Variants in CAMK4 observed in about 807,000 individuals in gnomAD.
CAMK4 encodes calcium/calmodulin-dependent protein kinase type IV.
A neutral mutation model predicts 44.9 loss-of-function variants in CAMK4; 22 were observed. The ratio of observed to expected loss-of-function variants is 0.49; its 90% CI spans 0.35 to 0.70. The LOEUF (loss-of-function observed/expected upper bound fraction) is 0.70, where lower values mean the gene tolerates loss of function less well. Ranked by LOEUF, CAMK4 falls within the 30% of genes least tolerant of loss-of-function variation. CAMK4 has a pLI of 0.01. For missense variants in CAMK4, 498 were observed against 586.8 expected (o/e 0.85, Z 1.56); for synonymous variants, 218 against 215.4 (o/e 1.01, Z -0.11).
intron 1 of CAMK4, among the ~76,000 whole-genome samples, chr5:111,263,708 C>G (rs896034257): frequency 6.6e-6 from 1 of 152,198 alleles, no homozygotes; most frequent in African/African-American, 2.4e-5. Flanking sequence ...CCATAGCTTT[C>G]CAGTATGCTC....
In CAMK4 at chr5:111,473,364, G is replaced by A. The variant is rs747837965; in HGVS notation, c.679G>A (p.Val227Ile). ...AYGPEVDMWSVGIITYILLCG... is the reference protein window; with the variant it reads ...AYGPEVDMWSIGIITYILLCG... ...TGGACCTGAGGTGGACATGTGGTCTGTAGGAATAATCACCTACATCTTGTA... is the reference window on the plus strand; with the variant it reads ...TGGACCTGAGGTGGACATGTGGTCTATAGGAATAATCACCTACATCTTGTA... The change falls in exon 8 of 11, where the codon GTA (valine) becomes ATA (isoleucine). Residue 227 changes from valine (V) to isoleucine (I), a missense_variant. Physicochemically the swap from Val to Ile is conservative, Grantham distance 29 (BLOSUM62 3). This residue lies in a region of CAMK4 where 203 missense variants were observed against 298.2 expected (regional missense o/e 0.68). Transcript: ENST00000282356. The A allele has an allele frequency of 7.5e-6, 12 of 1,610,292 alleles. No homozygotes were observed. The highest frequency in any genetic ancestry group is 8.5e-6 in the Non-Finnish European group (10 of 1,176,834).
intron 4 of CAMK4, among the ~76,000 whole-genome samples, chr5:111,384,180 A>C (rs1751515105): frequency 6.6e-6 from 1 of 152,188 alleles, no homozygotes; most frequent in Non-Finnish European, 1.5e-5. Context: ...CAAGGGCAAG[A>C]AAAAGGGCTT....
chr5:111,280,222 A>G (rs1750952701), intron 1 of CAMK4, among the ~76,000 whole-genome samples: 1 of 151,650 alleles, frequency 6.6e-6, no homozygotes, highest in South Asian at 2.1e-4. Flanking sequence ...CTTTTAAATG[A>G]ATCTTCTAAT....
rs1040070845 is a variant in CAMK4 at position 111,485,916 on chromosome 5, T to C, written c.*1450T>C. On this transcript the variant is annotated 3_prime_UTR_variant, in exon 11 of 11. Transcript: ENST00000282356. Reference sequence around the variant, plus strand: ...AATGAATATTTTATCAGATTAATTATGTGTCACATTTTTGGTGGGTTTTCT... The same window carrying C: ...AATGAATATTTTATCAGATTAATTACGTGTCACATTTTTGGTGGGTTTTCT... 1 of 152,204 alleles carries C rather than the reference T, an allele frequency of 6.6e-6. No homozygotes were observed. Among genetic ancestry groups the C allele is most frequent in the African/African-American group, 2.4e-5 (1 of 41,466 alleles). The allele number at this position is 152,204 out of a possible 1,614,324, so 9.4% of individuals were successfully genotyped here.
intron 1 of CAMK4, among the ~76,000 whole-genome samples, chr5:111,285,001 A>G (rs924844302): frequency 1.3e-5 from 2 of 152,256 alleles, no homozygotes; most frequent in African/African-American, 4.8e-5. Context: ...CATCCTGGAA[A>G]TACTGGATGA....
chr5:111,467,549 T>G (rs189869414), intron 7 of CAMK4, among the ~76,000 whole-genome samples: 1 of 152,018 alleles, frequency 6.6e-6, no homozygotes, highest in East Asian at 1.9e-4. Context: ...AGGACATGAA[T>G]GGACAATTCT....
chr5:111,464,095 T>A (rs1580787964), intron 7 of CAMK4, among the ~76,000 whole-genome samples: 1 of 150,610 alleles, frequency 6.6e-6, no homozygotes, highest in African/African-American at 2.5e-5. Flanking sequence ...ATAAAAAAAA[T>A]GAGATATGAA....
At chr5:111,309,314 G>T (rs536058752) in intron 1 of CAMK4, among the ~76,000 whole-genome samples, 27 of 152,314 alleles carry the variant, frequency 1.8e-4, no homozygotes, top group Non-Finnish European at 3.8e-4. Flanking sequence ...TGGGTCTTAG[G>T]TGGGCAGGAC....
chr5:111,396,921 G>T (rs554109171), intron 5 of CAMK4, among the ~76,000 whole-genome samples: 3 of 152,044 alleles, frequency 2.0e-5, no homozygotes, highest in Admixed American at 2.0e-4. Flanking sequence ...AATTACAGGC[G>T]TGAGCCACCG....
In CAMK4 at chr5:111,446,557, T is replaced by C. The variant is rs982134337; in HGVS notation, c.460-129T>C. On this transcript the variant is annotated intron_variant, in intron 5 of 10. Coordinates refer to ENST00000282356, the MANE Select transcript of CAMK4 (RefSeq NM_001744.6). Reference sequence around the variant, plus strand: ...GTTTAAAACAGATTTTCCTTTATGGTACTTATTGTTAAGTCATACTATGTG... The same window carrying C: ...GTTTAAAACAGATTTTCCTTTATGGCACTTATTGTTAAGTCATACTATGTG... 3 of 577,424 alleles carry C rather than the reference T, an allele frequency of 5.2e-6. No homozygotes were observed. The African/African-American group carries it at 5.8e-5, about 11-fold the overall frequency. The allele number at this position is 577,424 out of a possible 1,614,324, so 35.8% of individuals were successfully genotyped here. A position where few individuals can be genotyped will look rare whatever the true frequency, so the allele number is the denominator to read the frequency against.
chr5:111,389,420 C>T (rs1751721963), intron 4 of CAMK4, among the ~76,000 whole-genome samples: 1 of 152,162 alleles, frequency 6.6e-6, no homozygotes, highest in Admixed American at 6.5e-5. Flanking sequence ...GATATTTAGG[C>T]TGAAGCTTGA....
intron 5 of CAMK4, among the ~76,000 whole-genome samples, chr5:111,419,820 A>G (rs1308898016): frequency 2.0e-5 from 3 of 152,164 alleles, no homozygotes; most frequent in Non-Finnish European, 4.4e-5. Flanking sequence ...TTTTGGTACC[A>G]GTACCATGCT....
In CAMK4 at chr5:111,293,573, C is replaced by T. The variant is rs997741870; in HGVS notation, c.162-50451C>T. On this transcript the variant is annotated intron_variant, in intron 1 of 10. Coordinates refer to ENST00000282356, the MANE Select transcript of CAMK4 (RefSeq NM_001744.6). ...TCCGGAGTAGCTGGGATTACAAGCA[C>T]CCGCCACCACGTCCAGCTAATTTTT... Among the ~76,000 whole-genome samples the T allele has an allele frequency of 7.3e-5, 11 of 150,898 alleles. 1 individual carries two copies. The highest frequency in any genetic ancestry group is 3.9e-4 in the East Asian group (2 of 5,136).
intron 1 of CAMK4, among the ~76,000 whole-genome samples, chr5:111,249,639 T>A (rs2416262): frequency 0.3 from 39,656 of 131,220 alleles, 5,532 homozygotes; most frequent in South Asian, 0.43. Flanking sequence ...TATATATATA[T>A]ATATATGTGT....
At chr5:111,462,618 C>G (rs1754682583) in intron 7 of CAMK4, among the ~76,000 whole-genome samples, 2 of 152,142 alleles carry the variant, frequency 1.3e-5, no homozygotes. Flanking sequence ...AGTTTTAACT[C>G]AGTAAGTAAG....
At chr5:111,317,470 G>A (rs114376420) in intron 1 of CAMK4, among the ~76,000 whole-genome samples, 2,473 of 152,224 alleles carry the variant, frequency 0.016, 66 homozygotes, top group African/African-American at 0.057. Flanking sequence ...AGCTTAGCCT[G>A]TAGAAAGTGT....
intron 5 of CAMK4, among the ~76,000 whole-genome samples, chr5:111,444,823 C>T (rs948389021): frequency 6.6e-6 from 1 of 152,076 alleles, no homozygotes; most frequent in African/African-American, 2.4e-5. Flanking sequence ...ATGTTATGAA[C>T]AGGAAATTCA....
chr5:111,250,721 C>G (rs1028312610), intron 1 of CAMK4, among the ~76,000 whole-genome samples: 3 of 152,194 alleles, frequency 2.0e-5, no homozygotes, highest in African/African-American at 4.8e-5. Context: ...TCCATCACCA[C>G]TATGATCTTT....
chr5:111,294,218 C>T (rs114351424), intron 1 of CAMK4, among the ~76,000 whole-genome samples: 17 of 152,230 alleles, frequency 1.1e-4, no homozygotes, highest in African/African-American at 3.9e-4. Context: ...TAGCCCCATA[C>T]ATTAATAGGA....
Sources: gnomAD v4.1 joint callset for allele counts (sites outside exome capture counted in the v4.1 genomes callset) on GRCh38, gnomAD v4.1.1 for gene constraint, gnomAD v4.1.1 regional missense constraint, MANE v1.5 for transcripts, NCBI Gene and HGNC (gene_info 2026-07-23, HGNC 2026-07-21) for gene names.